The following MC2R variants were observed in gnomAD, a reference collection of about 807,000 sequenced individuals.
MC2R encodes adrenocorticotropic hormone receptor.
In MC2R, 9 loss-of-function variants were observed where a neutral mutation model predicts 9.8. The ratio of observed to expected loss-of-function variants is 0.92; its 90% CI spans 0.55 to 1.60. The LOEUF (loss-of-function observed/expected upper bound fraction) is 1.60. Ranked by LOEUF, MC2R falls within the 40% of genes most tolerant of loss-of-function variation. The pLI is 0.00. For missense variants in MC2R, 370 were observed against 389.0 expected, an observed-to-expected ratio of 0.95 and a Z score of 0.41; for synonymous variants, 185 against 154.7, an observed-to-expected ratio of 1.20 and a Z score of -1.45.
In MC2R at chr18:13,884,902, T is replaced by G. The variant is rs779727134; in HGVS notation, c.617A>C (p.Lys206Thr). 3.6e-5 allele frequency: 58 copies of G among 1,614,008 alleles called. No individual in the cohort carries two copies. In the Admixed American group the frequency reaches 6.8e-4, roughly 19 times the overall value. Residue 206 changes from lysine to threonine, a missense_variant, in exon 2 of 2, where the codon AAG becomes ACG. By Grantham distance (78) the Lys-to-Thr change is moderately conservative. Coordinates refer to ENST00000327606, the MANE Select transcript of MC2R (RefSeq NM_000529.2). Reference protein sequence around the residue: ...MFLLARSHTRKISTLPRANMK... With the variant: ...MFLLARSHTRTISTLPRANMK... ...GTTGGCTCTGGGGAGGGTGGAGATCTTCCTGGTGTGGGATCGAGCCAGCAG... is the reference window on the plus strand; with the variant it reads ...GTTGGCTCTGGGGAGGGTGGAGATCGTCCTGGTGTGGGATCGAGCCAGCAG...
intron 1 of MC2R, among the ~76,000 whole-genome samples, chr18:13,905,143 C>A (rs189192760): frequency 6.6e-6 from 1 of 151,924 alleles, no homozygotes; most frequent in Non-Finnish European, 1.5e-5. Context: ...ATCTATCTGA[C>A]AAAGATCTAA....
chr18:13,909,716 TGCCAGAC>T (rs1457709043), intron 1 of MC2R, among the ~76,000 whole-genome samples: 1 of 152,254 alleles, frequency 6.6e-6, no homozygotes, highest in Admixed American at 6.5e-5. Context: ...CTGTGTCCTG[TGCCAGAC>T]CTGCATCGCT....
chr18:13,903,793 T>A (rs1342787057), intron 1 of MC2R, among the ~76,000 whole-genome samples: 2 of 152,042 alleles, frequency 1.3e-5, no homozygotes, highest in African/African-American at 4.8e-5. Context: ...GTGACTATAG[T>A]GAATAATAAC....
intron 1 of MC2R, among the ~76,000 whole-genome samples, chr18:13,905,007 C>A (rs12965799): frequency 0.25 from 38,241 of 152,116 alleles, 5,926 homozygotes; most frequent in Middle Eastern, 0.44. Context: ...ATGCCAAAAG[C>A]AATTGCAACA....
intron 1 of MC2R, among the ~76,000 whole-genome samples, chr18:13,890,834 A>G (rs900510718): frequency 6.6e-6 from 1 of 152,136 alleles, no homozygotes; most frequent in African/African-American, 2.4e-5. Context: ...GCAAACATGA[A>G]TATCCATGTC....
chr18:13,903,686 T>G (rs2045393902), intron 1 of MC2R, among the ~76,000 whole-genome samples: 1 of 152,102 alleles, frequency 6.6e-6, no homozygotes, highest in Admixed American at 6.5e-5. Context: ...AAAGTTAGTG[T>G]ATGTGTGGGG....
In MC2R at chr18:13,894,085, G is replaced by A. The variant is rs572105392; in HGVS notation, c.-128-8439C>T. 7.9e-5 allele frequency among the ~76,000 whole-genome samples: 12 copies of A among 152,038 alleles called. No individual in the cohort carries two copies. In the East Asian group the frequency reaches 2.1e-3, roughly 27 times the overall value. ...CTTAAAAAGATTCTGATATTTCCTG[G>A]AAATTTTTCAATAGTTTTGGAAGAG... On this transcript the variant is annotated intron_variant, in intron 1 of 1. Coordinates refer to ENST00000327606, the MANE Select transcript of MC2R (RefSeq NM_000529.2).
At position 13,883,611 on chromosome 18, in the gene MC2R, ACACACACACACACACACTCTCTCTCT is replaced by A. The variant is rs1353529092; in HGVS notation, c.*988_*1013del. On this transcript the variant is annotated 3_prime_UTR_variant, in exon 2 of 2. Transcript: ENST00000327606. ...CACACACACACACACACACACACAC[ACACACACACACACACACTCTCTCTCT>A]CTCTCTCTCTCTCTCTCTCTGTCTG... 1 of 103,052 alleles carries A rather than the reference ACACACACACACACACACTCTCTCTCT, an allele frequency of 9.7e-6. No individual in the cohort carries two copies. Among genetic ancestry groups the A allele is most frequent in the African/African-American group, 4.1e-5 (1 of 24,560 alleles). 6.4% of individuals were successfully genotyped at this position (103,052 alleles called of 1,614,324 possible). A position where few individuals can be genotyped will look rare whatever the true frequency, so the allele number is the denominator to read the frequency against.
chr18:13,914,995 T>C (rs2045468002), intron 1 of MC2R, among the ~76,000 whole-genome samples: 1 of 152,242 alleles, frequency 6.6e-6, no homozygotes, highest in African/African-American at 2.4e-5. Context: ...CTCCCAGAAC[T>C]GTAACGTCAC....
intron 1 of MC2R, among the ~76,000 whole-genome samples, chr18:13,904,608 A>T (rs1306874640): frequency 1.3e-5 from 2 of 152,202 alleles, no homozygotes; most frequent in Admixed American, 6.5e-5. Flanking sequence ...ACCTGATTTC[A>T]AACTATACTA....
intron 1 of MC2R, among the ~76,000 whole-genome samples, chr18:13,902,825 C>T (rs1053666079): frequency 1.1e-4 from 16 of 152,056 alleles, no homozygotes; most frequent in African/African-American, 3.4e-4. Context: ...GGTACCCAAA[C>T]AAAAATGGAC....
At chr18:13,910,154 C>T (rs1305921959) in intron 1 of MC2R, among the ~76,000 whole-genome samples, 1 of 152,136 alleles carries the variant, frequency 6.6e-6, no homozygotes, top group Non-Finnish European at 1.5e-5. Context: ...CCAATTGTTC[C>T]AGCACTGTTT....
rs970111013 is a variant in MC2R, at chr18:13,883,646, C to T, written c.*979G>A. The T allele has an allele frequency of 6.6e-6, 1 of 151,766 alleles. No homozygotes were observed. The highest frequency in any genetic ancestry group is 2.4e-5 in the African/African-American group (1 of 41,134). The allele number at this position is 151,766 out of a possible 1,614,324, so 9.4% of individuals were successfully genotyped here. On this transcript the variant is annotated 3_prime_UTR_variant, in exon 2 of 2. Transcript: ENST00000327606. ...ACACACACTCTCTCTCTCTCTCTCT[C>T]TCTCTCTCTCTGTCTGTCTCTGTCT...
intron 1 of MC2R, among the ~76,000 whole-genome samples, chr18:13,889,090 G>A (rs1459405342): frequency 2.0e-5 from 3 of 152,144 alleles, no homozygotes; most frequent in Non-Finnish European, 4.4e-5. Flanking sequence ...ATACCCTATT[G>A]AAACCTGTCT....
At chr18:13,888,096 T>A (rs185203835) in intron 1 of MC2R, among the ~76,000 whole-genome samples, 39 of 144,958 alleles carry the variant, frequency 2.7e-4, no homozygotes, top group African/African-American at 9.9e-4. Flanking sequence ...TCAGATGCAT[T>A]TGATGGTAAA....
chr18:13,897,686 C>T (rs1317469259), intron 1 of MC2R, among the ~76,000 whole-genome samples: 1 of 151,966 alleles, frequency 6.6e-6, no homozygotes, highest in Admixed American at 6.6e-5. Context: ...TCAGCTCAAC[C>T]ACAGCAAGAT....
At chr18:13,890,897 G>A (rs557134657) in intron 1 of MC2R, among the ~76,000 whole-genome samples, 2 of 152,258 alleles carry the variant, frequency 1.3e-5, no homozygotes, top group African/African-American at 4.8e-5. Context: ...GATGGGATTA[G>A]CAATGCCTGT....
rs892916502 is a variant in MC2R, at chr18:13,882,353, T to C, written c.*2272A>G. The stretch of plus-strand genomic sequence containing the variant: ...GTAACTATGAGCCCTGAAGCTTCTG[T>C]TCTGATTGGAATATAGCAGAAGACC... On this transcript the variant is annotated 3_prime_UTR_variant, in exon 2 of 2. Coordinates refer to ENST00000327606, the MANE Select transcript of MC2R (RefSeq NM_000529.2). 2 of 152,242 alleles carry C rather than the reference T, an allele frequency of 1.3e-5. No homozygotes were observed. Among genetic ancestry groups the C allele is most frequent in the Non-Finnish European group, 2.9e-5 (2 of 68,046 alleles). 9.4% of individuals were successfully genotyped at this position (152,242 alleles called of 1,614,324 possible).
rs749158832 is a variant in MC2R at position 13,885,528 on chromosome 18, T to C, written c.-10A>G. ...TGATAATGTGCTTCATTTCTCCTGCTTGTGGTTAAGGCGGGGATGTTACTT... is the reference window on the plus strand; with the variant it reads ...TGATAATGTGCTTCATTTCTCCTGCCTGTGGTTAAGGCGGGGATGTTACTT... On this transcript the variant is annotated 5_prime_UTR_variant, in exon 2 of 2. Coordinates refer to ENST00000327606, the MANE Select transcript of MC2R (RefSeq NM_000529.2). 1.9e-6 allele frequency: 3 copies of C among 1,614,152 alleles called. No homozygotes were observed. The highest frequency in any genetic ancestry group is 2.5e-6 in the Non-Finnish European group (3 of 1,180,018).
Sources: gnomAD v4.1 joint callset for allele counts (sites outside exome capture counted in the v4.1 genomes callset) on GRCh38, gnomAD v4.1.1 for gene constraint, MANE v1.5 for transcripts, NCBI Gene and HGNC (gene_info 2026-07-23, HGNC 2026-07-21) for gene names.